Variants in LPP observed in about 807,000 individuals in gnomAD.
The protein encoded by LPP is lipoma-preferred partner.
A neutral mutation model predicts 60.4 loss-of-function variants in LPP; 38 were observed. The observed-to-expected ratio is 0.63, with a 90% CI of 0.49 to 0.83. LPP has a LOEUF of 0.83. Ranked by LOEUF, LPP falls within the 40% of genes least tolerant of loss-of-function variation. LPP has a pLI of 0.00. For missense variants in LPP, 902 were observed against 783.6 expected, an observed-to-expected ratio of 1.15 and a Z score of -1.80; for synonymous variants, 328 against 290.8, an observed-to-expected ratio of 1.13 and a Z score of -1.30.
Position 188,352,663 on chromosome 3 carries a change from A to C in LPP, c.-10+10944A>C, listed in dbSNP as rs1377489436. Among the ~76,000 whole-genome samples, 1 of 151,154 alleles carries C rather than the reference A, an allele frequency of 6.6e-6. No individual in the cohort carries two copies. The highest frequency in any genetic ancestry group is 6.6e-5 in the Admixed American group (1 of 15,094). ...GAGTGCATAGAGAGAAGGCTGGGAGAGGAGGTCAGGTCTTGTTTCCCTGCT... is the reference window on the plus strand; with the variant it reads ...GAGTGCATAGAGAGAAGGCTGGGAGCGGAGGTCAGGTCTTGTTTCCCTGCT... On this transcript the variant is annotated intron_variant, in intron 3 of 11. Transcript: ENST00000617246. This position sits in a 1 kb window ranked among gnomAD's most constrained non-coding sequence, Gnocchi z 4.4.
intron 2 of LPP, among the ~76,000 whole-genome samples, chr3:188,249,758 A>G (rs1179369614): frequency 3.3e-5 from 5 of 150,344 alleles, no homozygotes; most frequent in South Asian, 2.1e-4. Context: ...AGATTCGTCT[A>G]TTGTTAACAT....
At chr3:188,828,625 A>AAAAACAAAAC (rs1756275101) in intron 9 of LPP, among the ~76,000 whole-genome samples, 1 of 146,572 alleles carries the variant, frequency 6.8e-6, no homozygotes, top group Non-Finnish European at 1.5e-5. Context: ...AAAAAAAAAA[A>AAAAACAAAAC]AAAAAAAAAA....
chr3:188,224,556 T>C (rs2149312798), intron 1 of LPP, among the ~76,000 whole-genome samples: 1 of 152,256 alleles, frequency 6.6e-6, no homozygotes, highest in African/African-American at 2.4e-5. Context: ...GGCTCGGTAA[T>C]CTATAAGAAA....
At chr3:188,433,421 G>A (rs1791446618) in intron 4 of LPP, among the ~76,000 whole-genome samples, 1 of 151,996 alleles carries the variant, frequency 6.6e-6, no homozygotes, top group African/African-American at 2.4e-5. Flanking sequence ...GCTGATCACA[G>A]TAATCGGGTC....
At chr3:188,221,590 G>A (rs1247152822) in intron 1 of LPP, among the ~76,000 whole-genome samples, 1 of 152,196 alleles carries the variant, frequency 6.6e-6, no homozygotes, top group Non-Finnish European at 1.5e-5. Flanking sequence ...GTTTGATCAT[G>A]AGCCCGGCCA....
At chr3:188,742,313 C>A (rs1724733000) in intron 8 of LPP, among the ~76,000 whole-genome samples, 1 of 151,938 alleles carries the variant, frequency 6.6e-6, no homozygotes, top group Non-Finnish European at 1.5e-5. Context: ...TGAAATGAAA[C>A]CTTTTTTTTA....
chr3:188,789,339 A>C (rs940104070), intron 9 of LPP, among the ~76,000 whole-genome samples: 5 of 152,200 alleles, frequency 3.3e-5, no homozygotes, highest in Admixed American at 1.3e-4. Context: ...TTTAGAGGAA[A>C]GTACACTGAA....
chr3:188,367,542 G>A (rs1771583451), intron 3 of LPP, among the ~76,000 whole-genome samples: 1 of 152,166 alleles, frequency 6.6e-6, no homozygotes, highest in African/African-American at 2.4e-5. Context: ...GATAAAAATA[G>A]AGTTAAATGT....
chr3:188,803,414 T>G (rs1747936936), intron 9 of LPP, among the ~76,000 whole-genome samples: 1 of 152,234 alleles, frequency 6.6e-6, no homozygotes, highest in African/African-American at 2.4e-5. Flanking sequence ...TGGCCATAGT[T>G]TATCTTCTTC....
At chr3:188,800,462 G>C (rs1003040266) in intron 9 of LPP, among the ~76,000 whole-genome samples, 11 of 151,882 alleles carry the variant, frequency 7.2e-5, no homozygotes, top group East Asian at 3.9e-4. Flanking sequence ...AGCCAGGATG[G>C]TCTCCATCTC....
chr3:188,540,727 T>A lies in LPP; in HGVS notation c.429+15940T>A, dbSNP rs548763816. On this transcript the variant is annotated intron_variant, in intron 6 of 11. Transcript: ENST00000617246. ...TTTGACATATTTAGCACCATATGCA[T>A]TAGAAGATCTTATTGTTAGCTGCGT... 5.9e-5 allele frequency among the ~76,000 whole-genome samples: 9 copies of A among 152,362 alleles called. 1 individual carries two copies. The South Asian group carries it at 1.9e-3, about 32-fold the overall frequency.
chr3:188,545,640 A>G (rs925145756), intron 6 of LPP, among the ~76,000 whole-genome samples: 2 of 152,124 alleles, frequency 1.3e-5, no homozygotes, highest in African/African-American at 4.8e-5. Flanking sequence ...TAGAAGTGCG[A>G]CTAGAGTTGT....
chr3:188,636,476 G>C (rs1316296647), intron 7 of LPP, among the ~76,000 whole-genome samples: 1 of 152,156 alleles, frequency 6.6e-6, no homozygotes, highest in African/African-American at 2.4e-5. Context: ...GCAAGACTGG[G>C]GGAGGGGCGC....
chr3:188,812,943 G>C (rs1751472989), intron 9 of LPP, among the ~76,000 whole-genome samples: 1 of 151,938 alleles, frequency 6.6e-6, no homozygotes, highest in Admixed American at 6.6e-5. Context: ...GTATCAGTGA[G>C]GGCAGGGAAA....
intron 9 of LPP, among the ~76,000 whole-genome samples, 157 bp downstream of exon 9, chr3:188,760,439 T>TGTGTGTGTGTGTGCAC (rs55988915): frequency 3.3e-5 from 5 of 150,042 alleles, no homozygotes; most frequent in African/African-American, 1.2e-4. Context: ...TGTGTGTGCG[T>TGTGTGTGTGTGTGCAC]GCGCGCATGT....
chr3:188,486,794 C>A (rs774693548), intron 5 of LPP, among the ~76,000 whole-genome samples: 12 of 152,014 alleles, frequency 7.9e-5, no homozygotes, highest in Non-Finnish European at 1.6e-4. Context: ...CTATCAGATG[C>A]CAGTGATGAA....
At chr3:188,703,371 AT>A (rs1344419525) in intron 7 of LPP, among the ~76,000 whole-genome samples, 2 of 152,214 alleles carry the variant, frequency 1.3e-5, no homozygotes, top group East Asian at 3.8e-4. Context: ...AGAGAGAGGT[AT>A]TAGAGTAGGT....
At chr3:188,797,242 A>G (rs1419372964) in intron 9 of LPP, among the ~76,000 whole-genome samples, 1 of 152,132 alleles carries the variant, frequency 6.6e-6, no homozygotes, top group East Asian at 1.9e-4. Context: ...ACAGAAGTCA[A>G]TAGCGTGAGA....
At chr3:188,343,163 C>G (rs1763496120) in intron 3 of LPP, among the ~76,000 whole-genome samples, 1 of 152,082 alleles carries the variant, frequency 6.6e-6, no homozygotes, top group Non-Finnish European at 1.5e-5. Flanking sequence ...TTGTCCTTGC[C>G]TTGCCCTCCA....
Sources: gnomAD v4.1 joint callset for allele counts (sites outside exome capture counted in the v4.1 genomes callset) on GRCh38, gnomAD v4.1.1 for gene constraint, Gnocchi (gnomAD v3.1) non-coding constraint, MANE v1.5 for transcripts, NCBI Gene and HGNC (gene_info 2026-07-23, HGNC 2026-07-21) for gene names.